TRAPPC9: variants seen among roughly 807,000 people sequenced by gnomAD.
TRAPPC9 encodes trafficking protein particle complex subunit 9.
A neutral mutation model predicts 124.0 loss-of-function variants in TRAPPC9; 83 were observed. The ratio of observed to expected loss-of-function variants is 0.67; its 90% CI spans 0.56 to 0.80. TRAPPC9 has a LOEUF of 0.80. Ranked by LOEUF, TRAPPC9 falls within the 30% of genes least tolerant of loss-of-function variation. The probability of loss-of-function intolerance (pLI) is 0.00; values close to 1 mark genes in which losing one functional copy is unlikely to be tolerated. For synonymous variants in TRAPPC9, 638 were observed against 617.5 expected, an observed-to-expected ratio of 1.03 and a Z score of -0.49; for missense variants, 1,302 against 1,508.3, an observed-to-expected ratio of 0.86 and a Z score of 2.27.
Position 140,252,639 on chromosome 8 carries a change from C to A in TRAPPC9, c.2431+138G>T. 1.0e-6 allele frequency: 1 copy of A among 952,994 alleles called. No homozygotes were observed. The highest frequency in any genetic ancestry group is 1.6e-5 in the African/African-American group (1 of 62,382). 59.0% of individuals were successfully genotyped at this position (952,994 alleles called of 1,614,324 possible). On this transcript the variant is annotated intron_variant, in intron 16 of 22. Coordinates refer to ENST00000438773, the MANE Select transcript of TRAPPC9 (RefSeq NM_001160372.4). This position sits in a 1 kb window ranked among gnomAD's most constrained non-coding sequence, Gnocchi z 4.2. ...GTAACACACTCTGTTAACAAAGTGC[C>A]CAGGAGATGTCTCAGGCAGCTTGAG...
intron 21 of TRAPPC9, among the ~76,000 whole-genome samples, chr8:139,819,607 G>A (rs1415922191): frequency 6.6e-6 from 1 of 152,184 alleles, no homozygotes; most frequent in Non-Finnish European, 1.5e-5. Context: ...CCACTGATGA[G>A]CACAGGGCAA....
At chr8:139,908,397 A>G (rs746128184) in intron 20 of TRAPPC9, among the ~76,000 whole-genome samples, 1 of 152,042 alleles carries the variant, frequency 6.6e-6, no homozygotes, top group Non-Finnish European at 1.5e-5. Flanking sequence ...CCTCACATAG[A>G]GCCTCTCCAA....
intron 7 of TRAPPC9, 22 bp downstream of exon 7, chr8:140,397,598 T>G: frequency 6.2e-7 from 1 of 1,613,546 alleles, no homozygotes; most frequent in South Asian, 1.1e-5. Flanking sequence ...ACTCTTCCAC[T>G]TACAGGTAGA....
chr8:140,086,390 T>C (rs1844186656), intron 17 of TRAPPC9, among the ~76,000 whole-genome samples: 1 of 152,000 alleles, frequency 6.6e-6, no homozygotes. Flanking sequence ...AAATGACACG[T>C]CTCTCCACCA....
chr8:139,731,095 C>A lies in TRAPPC9; in HGVS notation c.3413G>T (p.Ser1138Ile). 6.2e-7 allele frequency: 1 copy of A among 1,613,672 alleles called. No homozygotes were observed. Among genetic ancestry groups the A allele is most frequent in the Non-Finnish European group, 8.5e-7 (1 of 1,180,004 alleles). The change falls in exon 23 of 23, where the codon AGT becomes ATT. Residue 1138 changes from serine to isoleucine, a missense_variant. Around this residue, in one of 3 missense-constraint regions of TRAPPC9, gnomAD observed 640 missense variants for 679.3 expected, o/e 0.94. Transcript: ENST00000438773. ...CGCCTCCAGGGCACACACGTGCACACTGGGCAGGCAGAACCAAGAGGGTGG... is the reference window on the plus strand; with the variant it reads ...CGCCTCCAGGGCACACACGTGCACAATGGGCAGGCAGAACCAAGAGGGTGG... ...ELPPSWFCLP[S>I]VHVCALEAQA
chr8:140,453,989 T>C (rs1431463296), intron 1 of TRAPPC9, among the ~76,000 whole-genome samples: 1 of 152,198 alleles, frequency 6.6e-6, no homozygotes, highest in African/African-American at 2.4e-5. Context: ...AAGGGCCTTA[T>C]TTTAGAAGTA....
At chr8:140,457,596 G>C (rs1310855998) in intron 1 of TRAPPC9, 43 bp downstream of exon 1, 1 of 985,454 alleles carries the variant, frequency 1.0e-6, no homozygotes, top group Non-Finnish European at 1.2e-6. Flanking sequence ...CCCCGCAGCC[G>C]GTCCGAATTG....
Position 140,182,396 on chromosome 8 carries a change from G to A in TRAPPC9, c.2556+39063C>T, listed in dbSNP as rs1022846761. Among the ~76,000 whole-genome samples the A allele has an allele frequency of 2.7e-5, 4 of 150,856 alleles. No homozygotes were observed. Among genetic ancestry groups the A allele is most frequent in the South Asian group, 2.1e-4 (1 of 4,778 alleles). ...AGTAACTGCCCACTACTCTAAATTC[G>A]ATTTCACAAATATGTTTGAGAATGG... On this transcript the variant is annotated intron_variant, in intron 17 of 22. Coordinates refer to ENST00000438773, the MANE Select transcript of TRAPPC9 (RefSeq NM_001160372.4). The surrounding 1 kb of genome is among the most constrained non-coding windows in gnomAD (Gnocchi z 4.0).
At chr8:140,405,776 A>C (rs2069468181) in intron 5 of TRAPPC9, 78 bp from the exon 6 acceptor site, 3 of 1,553,270 alleles carry the variant, frequency 1.9e-6, no homozygotes, top group African/African-American at 2.7e-5. Flanking sequence ...AGCATGAATA[A>C]GACAAAACTT....
At chr8:140,383,635 C>A (rs964718650) in intron 7 of TRAPPC9, among the ~76,000 whole-genome samples, 1 of 152,132 alleles carries the variant, frequency 6.6e-6, no homozygotes, top group Admixed American at 6.5e-5. Flanking sequence ...AAGAAATGAA[C>A]AAAGCCTCCA....
chr8:140,170,041 T>C (rs777191253), intron 17 of TRAPPC9, among the ~76,000 whole-genome samples: 6 of 152,216 alleles, frequency 3.9e-5, no homozygotes, highest in Non-Finnish European at 8.8e-5. Flanking sequence ...CCCTGCTATA[T>C]ATGAGTCTTT....
intron 19 of TRAPPC9, among the ~76,000 whole-genome samples, chr8:139,942,062 T>C (rs1362636408): frequency 6.6e-6 from 1 of 152,228 alleles, no homozygotes; most frequent in African/African-American, 2.4e-5. Flanking sequence ...CTTAGTGTCC[T>C]TTTCTGTGTT....
intron 7 of TRAPPC9, among the ~76,000 whole-genome samples, chr8:140,376,925 T>A (rs1194452454): frequency 6.6e-6 from 1 of 150,482 alleles, no homozygotes; most frequent in African/African-American, 2.4e-5. Flanking sequence ...GATGGAGAGA[T>A]GGCTGAAACA....
intron 20 of TRAPPC9, chr8:139,904,452 G>C (rs913489548): frequency 6.6e-6 from 1 of 152,308 alleles, no homozygotes; most frequent in Non-Finnish European, 1.5e-5. Context: ...TAGCAGCGTG[G>C]CATGAGGTCT....
chr8:139,994,245 G>A (rs1328086320), intron 18 of TRAPPC9, among the ~76,000 whole-genome samples: 3 of 152,252 alleles, frequency 2.0e-5, no homozygotes, highest in African/African-American at 7.2e-5. Context: ...GTTGCTGTGC[G>A]TCGCTGAGCT....
chr8:140,136,158 A>G (rs1011384196), intron 17 of TRAPPC9, among the ~76,000 whole-genome samples: 1 of 152,166 alleles, frequency 6.6e-6, no homozygotes, highest in African/African-American at 2.4e-5. Flanking sequence ...GCTTAAAAAA[A>G]AAATAGACAA....
chr8:139,894,993 T>A lies in TRAPPC9; in HGVS notation c.2965-9024A>T, dbSNP rs753519216. ...AAGGGCTGTGCCTGTTCCCTTCAAC[T>A]AGGTGGGGCCAGGACAGTTGCCACT... On this transcript the variant is annotated intron_variant, in intron 20 of 22. Coordinates refer to ENST00000438773, the MANE Select transcript of TRAPPC9 (RefSeq NM_001160372.4). Among the ~76,000 whole-genome samples, 44 of 152,260 alleles carry A rather than the reference T, an allele frequency of 2.9e-4. 1 individual carries two copies. Among genetic ancestry groups the A allele is most frequent in the Non-Finnish European group, 5.3e-4 (36 of 68,024 alleles).
rs61052268 is a variant in TRAPPC9, at chr8:140,084,466, A to C, written c.2557-60387T>G. On this transcript the variant is annotated intron_variant, in intron 17 of 22. Coordinates refer to ENST00000438773, the MANE Select transcript of TRAPPC9 (RefSeq NM_001160372.4). ...CCTTCTCTGGTTAAAAGCCTTCAAT[A>C]GTAGCCTATAGGATGATATCCAGGC... Among the ~76,000 whole-genome samples, 225 of 152,348 alleles carry C rather than the reference A, an allele frequency of 1.5e-3. 3 individuals carry two copies. Among genetic ancestry groups the C allele is most frequent in the African/African-American group, 5.2e-3 (218 of 41,582 alleles).
intron 19 of TRAPPC9, among the ~76,000 whole-genome samples, chr8:139,971,567 G>A (rs1836067430): frequency 6.6e-6 from 1 of 152,208 alleles, no homozygotes; most frequent in South Asian, 2.1e-4. Flanking sequence ...TTGCAGAGGT[G>A]GGTGCTCTAT....
Sources: allele counts gnomAD v4.1 joint callset (sites outside exome capture counted in the v4.1 genomes callset), GRCh38; gene constraint gnomAD v4.1.1; regional missense constraint gnomAD v4.1.1; non-coding constraint Gnocchi (gnomAD v3.1); transcripts MANE v1.5; gene names NCBI Gene and HGNC (gene_info 2026-07-23, HGNC 2026-07-21).